The following CA10 variants were observed in gnomAD, a reference collection of about 807,000 sequenced individuals.
CA10 encodes the protein carbonic anhydrase-related protein 10.
In CA10, 14 loss-of-function variants were observed where a neutral mutation model predicts 44.2. The ratio of observed to expected loss-of-function variants is 0.32; its 90% CI spans 0.21 to 0.50. The LOEUF is 0.50. CA10 is among the 20% of genes least tolerant of loss of function. The pLI is 0.99. For synonymous variants in CA10, 159 were observed against 141.6 expected (o/e 1.12, Z -0.87); for missense variants, 350 against 409.7 (o/e 0.85, Z 1.26).
intron 3 of CA10, among the ~76,000 whole-genome samples, chr17:51,795,060 G>A (rs9902205): frequency 0.025 from 3,802 of 152,270 alleles, 155 homozygotes; most frequent in African/African-American, 0.085. Flanking sequence ...CTTCTCTATG[G>A]CTCAGTTTCA....
chr17:52,148,069 C>A (rs917826980), intron 1 of CA10, among the ~76,000 whole-genome samples: 1 of 152,164 alleles, frequency 6.6e-6, no homozygotes, highest in African/African-American at 2.4e-5. Flanking sequence ...CACCACAATT[C>A]TGTTACAAAA....
At chr17:52,119,040 G>A (rs1395182351) in intron 1 of CA10, among the ~76,000 whole-genome samples, 3 of 152,194 alleles carry the variant, frequency 2.0e-5, no homozygotes, top group African/African-American at 7.2e-5. Flanking sequence ...AACTGAAGTA[G>A]CCTTTTTAAA....
intron 4 of CA10, among the ~76,000 whole-genome samples, chr17:51,674,111 A>G (rs1479371634): frequency 6.6e-6 from 1 of 152,194 alleles, no homozygotes; most frequent in African/African-American, 2.4e-5. Flanking sequence ...CTACTGCTTC[A>G]TATTGCAATG....
At chr17:51,814,360 A>C (rs1265857953) in intron 3 of CA10, among the ~76,000 whole-genome samples, 1 of 152,198 alleles carries the variant, frequency 6.6e-6, no homozygotes, top group Non-Finnish European at 1.5e-5. Context: ...AGTGTGAAGA[A>C]ATTGAGGCCT....
chr17:52,129,781 C>CATAG (rs1417837229), intron 1 of CA10, among the ~76,000 whole-genome samples: 14 of 152,186 alleles, frequency 9.2e-5, no homozygotes, highest in African/African-American at 3.4e-4. Context: ...AACTACTTAA[C>CATAG]ATAGGCCTGG....
intron 4 of CA10, among the ~76,000 whole-genome samples, chr17:51,727,218 G>A (rs947531200): frequency 3.3e-5 from 5 of 152,152 alleles, no homozygotes; most frequent in African/African-American, 1.2e-4. Flanking sequence ...GGCATTTGTC[G>A]GGGGTGAGGA....
chr17:51,902,203 G>A (rs1981347104), intron 3 of CA10, among the ~76,000 whole-genome samples: 1 of 152,116 alleles, frequency 6.6e-6, no homozygotes, highest in Admixed American at 6.5e-5. Flanking sequence ...GGGGCCTCGA[G>A]AAAACCTAGG....
intron 2 of CA10, among the ~76,000 whole-genome samples, chr17:51,951,719 T>C (rs1252902516): frequency 6.6e-6 from 1 of 152,192 alleles, no homozygotes; most frequent in Non-Finnish European, 1.5e-5. Flanking sequence ...CTGAGTTTCC[T>C]TTCTTTGTAC....
chr17:52,060,395 C>T lies in CA10; in HGVS notation c.136+11924G>A, dbSNP rs115457537. On this transcript the variant is annotated intron_variant, in intron 2 of 8. Transcript: ENST00000451037. ...GAAACAGGACCTTAGTGGAAAAACT[C>T]GGATATTAAAAAAAAATCTGGAGTT... 2.9e-3 allele frequency among the ~76,000 whole-genome samples: 443 copies of T among 151,902 alleles called. 4 individuals carry two copies. Among genetic ancestry groups the T allele is most frequent in the Middle Eastern group, 0.027 (8 of 294 alleles).
chr17:51,884,886 C>T (rs890962362), intron 3 of CA10, among the ~76,000 whole-genome samples: 19 of 152,192 alleles, frequency 1.2e-4, no homozygotes, highest in Non-Finnish European at 2.4e-4. Flanking sequence ...AATCCCTTTC[C>T]TCCATCATCA....
Position 51,662,525 on chromosome 17 carries a change from A to G in CA10, c.466-8789T>C, listed in dbSNP as rs1322817456. 3.3e-5 allele frequency among the ~76,000 whole-genome samples: 5 copies of G among 152,242 alleles called. 1 individual carries two copies. Among genetic ancestry groups the G allele is most frequent in the Admixed American group, 2.6e-4 (4 of 15,280 alleles). On this transcript the variant is annotated intron_variant, in intron 4 of 8. Coordinates refer to ENST00000451037, the MANE Select transcript of CA10 (RefSeq NM_020178.5). ...GAAAAGGAAAGGTGTTCTGTATTTG[A>G]GGGGAGATCACATTTCAGCAGCTTT...
At chr17:51,687,607 G>A (rs528375103) in intron 4 of CA10, among the ~76,000 whole-genome samples, 33 of 152,224 alleles carry the variant, frequency 2.2e-4, no homozygotes, top group Non-Finnish European at 3.5e-4. Flanking sequence ...AGTGGTTTCC[G>A]GGTCAAGTTT....
chr17:51,740,566 G>A (rs545662228), intron 4 of CA10, among the ~76,000 whole-genome samples: 26 of 152,156 alleles, frequency 1.7e-4, no homozygotes, highest in Non-Finnish European at 3.5e-4. Flanking sequence ...GAGAATTTCT[G>A]TCTCTGTGCT....
intron 3 of CA10, among the ~76,000 whole-genome samples, chr17:51,802,767 C>T (rs1906984372): frequency 6.6e-6 from 1 of 152,238 alleles, no homozygotes; most frequent in South Asian, 2.1e-4. Flanking sequence ...GAGGAAGGGC[C>T]TTGCCATGTC....
intron 6 of CA10, among the ~76,000 whole-genome samples, chr17:51,645,076 G>T (rs1335669866): frequency 6.6e-6 from 1 of 152,128 alleles, no homozygotes; most frequent in Non-Finnish European, 1.5e-5. Context: ...GATTACAGGT[G>T]TGAGCCACTG....
At chr17:51,671,486 G>T (rs1410642670) in intron 4 of CA10, among the ~76,000 whole-genome samples, 1 of 152,024 alleles carries the variant, frequency 6.6e-6, no homozygotes, top group Non-Finnish European at 1.5e-5. Flanking sequence ...CTCACTGCAA[G>T]CTCCACCTCC....
At chr17:51,979,428 A>T (rs1984577071) in intron 2 of CA10, among the ~76,000 whole-genome samples, 1 of 152,032 alleles carries the variant, frequency 6.6e-6, no homozygotes, top group South Asian at 2.1e-4. Context: ...TTATTTCATC[A>T]CCCAGGTATT....
chr17:51,707,505 C>T (rs1022264239), intron 4 of CA10, among the ~76,000 whole-genome samples: 2 of 152,198 alleles, frequency 1.3e-5, no homozygotes, highest in African/African-American at 2.4e-5. Flanking sequence ...AGCTGAAACA[C>T]ACTTGCTGAT....
intron 4 of CA10, among the ~76,000 whole-genome samples, chr17:51,713,205 T>C (rs1915998947): frequency 6.6e-6 from 1 of 152,210 alleles, no homozygotes; most frequent in Admixed American, 6.5e-5. Flanking sequence ...ATCTTACACA[T>C]GCACTGAATG....
Sources: allele counts gnomAD v4.1 joint callset (sites outside exome capture counted in the v4.1 genomes callset), GRCh38; gene constraint gnomAD v4.1.1; transcripts MANE v1.5; gene names NCBI Gene and HGNC (gene_info 2026-07-23, HGNC 2026-07-21).